The following PPP1R9A variants were observed in gnomAD, a reference collection of about 807,000 sequenced individuals.
PPP1R9A encodes the protein neurabin-1.
Under a neutral mutation model 141.9 loss-of-function variants are expected in PPP1R9A, and 59 were observed. That is an observed-to-expected ratio of 0.42 (90% confidence interval 0.34 to 0.52). The LOEUF is 0.52. Among genes scored for constraint, PPP1R9A ranks in the 20% least tolerant of loss-of-function variants. The pLI, the probability that PPP1R9A is intolerant of heterozygous loss-of-function variation, is 0.10. For missense variants in PPP1R9A, 1,444 were observed against 1,611.9 expected (o/e 0.90, Z 1.78); for synonymous variants, 500 against 569.7 (o/e 0.88, Z 1.74).
At chr7:95,111,066 C>A (rs1429116076) in intron 2 of PPP1R9A, among the ~76,000 whole-genome samples, 193 bp from the exon 3 acceptor site, 1 of 152,224 alleles carries the variant, frequency 6.6e-6, no homozygotes, top group African/African-American at 2.4e-5. Context: ...CTATCGCTTA[C>A]ACATTTTAAA....
chr7:94,908,261 A>G (rs1218943102), intron 1 of PPP1R9A: 2 of 152,176 alleles, frequency 1.3e-5, no homozygotes, highest in Admixed American at 6.6e-5. Context: ...GAGGAGCAAT[A>G]GGTTGAAGAT....
intron 4 of PPP1R9A, among the ~76,000 whole-genome samples, chr7:95,140,916 C>T (rs1376862808): frequency 1.3e-5 from 2 of 152,000 alleles, no homozygotes; most frequent in African/African-American, 2.4e-5. Context: ...AGTGGGGCTT[C>T]GCCATGTTGC....
At chr7:95,219,156 C>T (rs1794010558) in intron 7 of PPP1R9A, among the ~76,000 whole-genome samples, 1 of 152,088 alleles carries the variant, frequency 6.6e-6, no homozygotes, top group Non-Finnish European at 1.5e-5. Flanking sequence ...TCTTGTAGGG[C>T]AGGTCTGGTG....
At chr7:95,194,878 G>A (rs1836013972) in intron 5 of PPP1R9A, among the ~76,000 whole-genome samples, 2 of 152,042 alleles carry the variant, frequency 1.3e-5, no homozygotes, top group Non-Finnish European at 2.9e-5. Context: ...ATTTTGCTAA[G>A]ATGTCAGTTC....
At position 95,269,302 on chromosome 7, in the gene PPP1R9A, ACC is replaced by A; in HGVS notation, c.2922_2923del (p.Leu975HisfsTer5). On this transcript the variant is annotated frameshift_variant, in exon 14 of 20. Coordinates refer to ENST00000433360, the MANE Select transcript of PPP1R9A (RefSeq NM_001166160.2). LOFTEE classifies it high-confidence loss of function. ...SSPESDSGVP[P>X]LTPVDSNVPF... ...CTCCAGAATCAGATTCTGGTGTTCC[ACC>A]CCTCACCCCGGTGGATAGCAATGTG... 1 of 1,597,476 alleles carries A rather than the reference ACC, an allele frequency of 6.3e-7. No homozygotes were observed. The highest frequency in any genetic ancestry group is 1.1e-5 in the South Asian group (1 of 90,866).
At chr7:95,203,902 G>A (rs1790133880) in intron 7 of PPP1R9A, among the ~76,000 whole-genome samples, 172 bp downstream of exon 7, 1 of 152,060 alleles carries the variant, frequency 6.6e-6, no homozygotes, top group African/African-American at 2.4e-5. Context: ...AAACAATTCT[G>A]AAACATAGCA....
At chr7:95,283,287 C>G (rs911401860) in intron 16 of PPP1R9A, among the ~76,000 whole-genome samples, 14 of 152,240 alleles carry the variant, frequency 9.2e-5, no homozygotes, top group African/African-American at 3.1e-4. Context: ...AAACATAGAC[C>G]ATTGACAATT....
At chr7:95,148,845 G>A (rs1331887700) in intron 4 of PPP1R9A, among the ~76,000 whole-genome samples, 5 of 151,798 alleles carry the variant, frequency 3.3e-5, no homozygotes, top group Admixed American at 1.3e-4. Context: ...TAAATACTTC[G>A]TGTTCCATTC....
chr7:95,140,323 G>C (rs1441649639), intron 4 of PPP1R9A, among the ~76,000 whole-genome samples: 1 of 152,146 alleles, frequency 6.6e-6, no homozygotes, highest in Non-Finnish European at 1.5e-5. Flanking sequence ...CATATATACA[G>C]TATTCTAGAA....
intron 2 of PPP1R9A, among the ~76,000 whole-genome samples, chr7:94,973,926 A>G (rs1046042151): frequency 6.6e-6 from 1 of 151,988 alleles, no homozygotes; most frequent in Non-Finnish European, 1.5e-5. Flanking sequence ...TATGTTGCCT[A>G]GGCTGGTCTC....
intron 2 of PPP1R9A, among the ~76,000 whole-genome samples, chr7:95,085,480 T>G (rs1011489546): frequency 1.3e-5 from 2 of 149,414 alleles, no homozygotes; most frequent in African/African-American, 5.0e-5. Context: ...AGTGGCACGA[T>G]CTCGGCTCAC....
intron 2 of PPP1R9A, among the ~76,000 whole-genome samples, chr7:95,081,134 C>G (rs902164771): frequency 6.6e-6 from 1 of 152,044 alleles, no homozygotes; most frequent in Non-Finnish European, 1.5e-5. Context: ...AAACTTTCTG[C>G]ATAATTTAAC....
At chr7:94,940,285 C>T (rs1346712290) in intron 2 of PPP1R9A, among the ~76,000 whole-genome samples, 2 of 151,930 alleles carry the variant, frequency 1.3e-5, no homozygotes, top group African/African-American at 4.8e-5. Context: ...TGTCATATAA[C>T]CATCTCTCAT....
intron 2 of PPP1R9A, among the ~76,000 whole-genome samples, chr7:94,953,853 T>G (rs1186595816): frequency 1.3e-5 from 2 of 152,148 alleles, no homozygotes; most frequent in Non-Finnish European, 2.9e-5. Flanking sequence ...CTTAAGGAGA[T>G]TTTGGGCTGA....
intron 17 of PPP1R9A, among the ~76,000 whole-genome samples, chr7:95,284,810 T>G (rs17773543): frequency 0.079 from 12,034 of 152,266 alleles, 568 homozygotes; most frequent in Admixed American, 0.12. Context: ...TACTTGTTTT[T>G]AAATGCATGA....
chr7:95,078,665 T>C (rs1182748891), intron 2 of PPP1R9A, among the ~76,000 whole-genome samples: 1 of 152,104 alleles, frequency 6.6e-6, no homozygotes, highest in African/African-American at 2.4e-5. Context: ...TTTTAATGAT[T>C]GCCATTCTAA....
chr7:95,115,875 C>G (rs6958796), intron 3 of PPP1R9A, among the ~76,000 whole-genome samples: 65,269 of 149,078 alleles, frequency 0.44, 14,520 homozygotes, highest in Middle Eastern at 0.52. Context: ...CGAGACCACA[C>G]CACTGCACTC....
intron 5 of PPP1R9A, among the ~76,000 whole-genome samples, chr7:95,180,879 A>C (rs776456452): frequency 2.0e-5 from 3 of 152,016 alleles, no homozygotes; most frequent in Non-Finnish European, 4.4e-5. Context: ...ACTGATGTTG[A>C]CTGACATGGA....
intron 2 of PPP1R9A, among the ~76,000 whole-genome samples, chr7:95,008,148 G>A (rs969186095): frequency 2.6e-5 from 4 of 152,018 alleles, no homozygotes; most frequent in African/African-American, 9.7e-5. Context: ...TCTATTTTAT[G>A]GTTTTATGGT....
Sources: gnomAD v4.1 joint callset for allele counts (sites outside exome capture counted in the v4.1 genomes callset) on GRCh38, gnomAD v4.1.1 for gene constraint, MANE v1.5 for transcripts, NCBI Gene and HGNC (gene_info 2026-07-23, HGNC 2026-07-21) for gene names.